Variants in BRAF observed in about 807,000 individuals in gnomAD.
BRAF encodes B-Raf proto-oncogene, serine/threonine kinase.
BRAF carries 16 observed loss-of-function variants against 104.6 expected under a neutral mutation model. That is an observed-to-expected ratio of 0.15 (90% CI 0.10 to 0.23). The LOEUF (loss-of-function observed/expected upper bound fraction) is 0.23, where lower values mean the gene tolerates loss of function less well. Among genes scored for constraint, BRAF ranks in the 10% least tolerant of loss-of-function variants. The pLI is 1.00. For synonymous variants in BRAF, 310 were observed against 341.6 expected (o/e 0.91, Z 1.02); for missense variants, 541 against 937.3 (o/e 0.58, Z 5.52).
intron 1 of BRAF, among the ~76,000 whole-genome samples, chr7:140,851,295 A>G (rs1809133077): frequency 6.6e-6 from 1 of 152,242 alleles, no homozygotes; most frequent in African/African-American, 2.4e-5. Context: ...TCTAAGTTGA[A>G]TGATCTAAAT....
At chr7:140,890,820 A>G (rs1042793491) in intron 1 of BRAF, among the ~76,000 whole-genome samples, 25 of 152,216 alleles carry the variant, frequency 1.6e-4, no homozygotes, top group African/African-American at 5.8e-4. Flanking sequence ...TCTGAGCAAA[A>G]GGAAGCATAT....
chr7:140,881,746 A>G (rs34152722), intron 1 of BRAF, among the ~76,000 whole-genome samples: 651 of 152,356 alleles, frequency 4.3e-3, no homozygotes, highest in Non-Finnish European at 7.0e-3. Context: ...CTTAGAGGCC[A>G]TTGTAGAGTT....
rs535676073 is a variant in BRAF, at chr7:140,869,866, C to T, written c.139-19654G>A. 1.1e-4 allele frequency among the ~76,000 whole-genome samples: 17 copies of T among 152,138 alleles called. No homozygotes were observed. The South Asian group carries it at 2.1e-3, about 19-fold the overall frequency. ...AAAACAAAATTCAAGTATATATAATCAAGTTATTAAGTGTATAAATAAAAG... is the reference window on the plus strand; with the variant it reads ...AAAACAAAATTCAAGTATATATAATTAAGTTATTAAGTGTATAAATAAAAG... On this transcript the variant is annotated intron_variant, in intron 1 of 19. Transcript: ENST00000644969.
At chr7:140,743,184 A>G in intron 17 of BRAF, among the ~76,000 whole-genome samples, 1 of 151,058 alleles carries the variant, frequency 6.6e-6, no homozygotes, top group African/African-American at 2.5e-5. Flanking sequence ...AGGGATCTAG[A>G]ACTAGAAATA....
chr7:140,814,661 T>C (rs1403398541), intron 3 of BRAF, among the ~76,000 whole-genome samples: 3 of 148,472 alleles, frequency 2.0e-5, no homozygotes, highest in African/African-American at 7.5e-5. Context: ...TGAGACTCCA[T>C]CTCAAAAAAT....
At chr7:140,917,370 T>C (rs577161883) in intron 1 of BRAF, among the ~76,000 whole-genome samples, 123 of 152,310 alleles carry the variant, frequency 8.1e-4, no homozygotes, top group African/African-American at 2.8e-3. Flanking sequence ...CCCACTGATA[T>C]GACTTTTATA....
downstream of BRAF, among the ~76,000 whole-genome samples, chr7:140,717,159 A>C (rs1795148069): frequency 6.6e-6 from 1 of 152,212 alleles, no homozygotes; most frequent in Non-Finnish European, 1.5e-5. Flanking sequence ...ACAAAATTAT[A>C]TATCTGTAAT....
chr7:140,919,814 A>G (rs948826989), intron 1 of BRAF, among the ~76,000 whole-genome samples: 14 of 148,162 alleles, frequency 9.4e-5, no homozygotes, highest in African/African-American at 3.4e-4. Flanking sequence ...CAGAAGTTCT[A>G]CAAGCAAGTT....
At chr7:140,871,945 G>A (rs988983052) in intron 1 of BRAF, among the ~76,000 whole-genome samples, 7 of 152,078 alleles carry the variant, frequency 4.6e-5, no homozygotes, top group African/African-American at 1.4e-4. Flanking sequence ...GGCCAGACAC[G>A]GTGGCTCATG....
At chr7:140,836,015 G>A (rs1407129075) in intron 2 of BRAF, 1 of 152,168 alleles carries the variant, frequency 6.6e-6, no homozygotes, top group African/African-American at 2.4e-5. Flanking sequence ...AATGAGGAAG[G>A]AGGACAGCCT....
chr7:140,762,138 A>G lies in BRAF; in HGVS notation c.1815-7905T>C, dbSNP rs988494527. Among the ~76,000 whole-genome samples the G allele has an allele frequency of 1.6e-4, 25 of 152,318 alleles. 1 individual carries two copies. The highest frequency in any genetic ancestry group is 5.8e-4 in the African/African-American group (24 of 41,558). On this transcript the variant is annotated intron_variant, in intron 14 of 19. Transcript: ENST00000644969. ...TTCCAAAACTGACCACATACTTGGA[A>G]GTAAAGCTCTCCTCAGCAAATGTAA...
intron 18 of BRAF, among the ~76,000 whole-genome samples, chr7:140,738,189 C>A (rs2130889271): frequency 6.6e-6 from 1 of 152,194 alleles, no homozygotes; most frequent in South Asian, 2.1e-4. Context: ...AACTTTGAAA[C>A]CTGATAAATG....
At chr7:140,776,641 A>T (rs763501296) in intron 14 of BRAF, among the ~76,000 whole-genome samples, 15 of 152,200 alleles carry the variant, frequency 9.9e-5, no homozygotes, top group Non-Finnish European at 1.9e-4. Context: ...CTATCTTCTG[A>T]ACCTCTCTTG....
chr7:140,778,450 A>G lies in BRAF; in HGVS notation c.1553-375T>C, dbSNP rs1207083552. Among the ~76,000 whole-genome samples the G allele has an allele frequency of 2.6e-5, 4 of 152,284 alleles. No individual in the cohort carries two copies. In the East Asian group the frequency reaches 7.7e-4, roughly 29 times the overall value. On this transcript the variant is annotated intron_variant, in intron 12 of 19. Coordinates refer to ENST00000644969, the MANE Select transcript of BRAF (RefSeq NM_001374258.1). ...TGCAAGTAATGTTGAAACTACAATTACCAGGCCCTATGGAATTTTGCTTAA... is the reference window on the plus strand; with the variant it reads ...TGCAAGTAATGTTGAAACTACAATTGCCAGGCCCTATGGAATTTTGCTTAA...
chr7:140,781,977 G>C (rs1345526541), intron 11 of BRAF, among the ~76,000 whole-genome samples: 2 of 152,074 alleles, frequency 1.3e-5, no homozygotes, highest in African/African-American at 4.8e-5. Context: ...TGTTACTTAT[G>C]TATACATGTG....
At chr7:140,801,148 A>G (rs1803063128) in intron 6 of BRAF, 1 of 358,674 alleles carries the variant, frequency 2.8e-6, no homozygotes, top group East Asian at 5.4e-5. Flanking sequence ...AACTATCCAA[A>G]AATGGTTTCT....
chr7:140,844,343 C>T (rs1160291435), intron 2 of BRAF, among the ~76,000 whole-genome samples: 2 of 152,096 alleles, frequency 1.3e-5, no homozygotes, highest in Non-Finnish European at 2.9e-5. Flanking sequence ...TTTAGTATTG[C>T]TACAAAGCAA....
chr7:140,809,858 A>G (rs1804046621), intron 3 of BRAF, among the ~76,000 whole-genome samples: 1 of 151,604 alleles, frequency 6.6e-6, no homozygotes, highest in Admixed American at 6.6e-5. Flanking sequence ...ACAGAGAAGG[A>G]GGGAAAGGGA....
rs149307157 is a variant in BRAF at position 140,883,549 on chromosome 7, T to C, written c.139-33337A>G. On this transcript the variant is annotated intron_variant, in intron 1 of 19. Transcript: ENST00000644969. ...TCCCTAAATCATCTACATTGTAACATAGAGCTACTTATTTAAAATATTCTA... is the reference window on the plus strand; with the variant it reads ...TCCCTAAATCATCTACATTGTAACACAGAGCTACTTATTTAAAATATTCTA... Among the ~76,000 whole-genome samples the C allele has an allele frequency of 2.5e-3, 380 of 152,328 alleles. 1 individual carries two copies. The highest frequency in any genetic ancestry group is 8.8e-3 in the African/African-American group (365 of 41,576).
Sources: gnomAD v4.1 joint callset for allele counts (sites outside exome capture counted in the v4.1 genomes callset) on GRCh38, gnomAD v4.1.1 for gene constraint, MANE v1.5 for transcripts, NCBI Gene and HGNC (gene_info 2026-07-23, HGNC 2026-07-21) for gene names.